Variants in ZBTB49 observed in about 807,000 individuals in gnomAD.
ZBTB49 encodes the protein zinc finger and BTB domain-containing protein 49.
In ZBTB49, 43 loss-of-function variants were observed where a neutral mutation model predicts 57.5. That is an observed-to-expected ratio of 0.75 (90% CI 0.59 to 0.97). The LOEUF is 0.97. Among genes scored for constraint, ZBTB49 ranks in the 50% least tolerant of loss-of-function variants. ZBTB49 has a pLI of 0.00. For missense variants in ZBTB49, 938 were observed against 947.7 expected (o/e 0.99, Z 0.13); for synonymous variants, 369 against 362.1 (o/e 1.02, Z -0.22).
chr4:4,312,982 T>C, intron 4 of ZBTB49, 59 bp from the exon 5 acceptor site: 1 of 1,562,420 alleles, frequency 6.4e-7, no homozygotes, highest in Non-Finnish European at 8.7e-7. Flanking sequence ...TGAATTTATA[T>C]AATTTAAAAA....
intron 4 of ZBTB49, among the ~76,000 whole-genome samples, chr4:4,311,766 T>C (rs1375438278): frequency 1.3e-5 from 2 of 152,260 alleles, no homozygotes; most frequent in African/African-American, 4.8e-5. Flanking sequence ...TATTAAAAGC[T>C]GGACATTTTC....
At chr4:4,315,295 A>C (rs1217295338) in intron 5 of ZBTB49, among the ~76,000 whole-genome samples, 2 of 152,152 alleles carry the variant, frequency 1.3e-5, no homozygotes, top group East Asian at 3.9e-4. Context: ...TTTGGCTCTG[A>C]ACTGGGGAGA....
At chr4:4,304,662 G>A (rs910417822) in intron 3 of ZBTB49, among the ~76,000 whole-genome samples, 1 of 152,108 alleles carries the variant, frequency 6.6e-6, no homozygotes, top group East Asian at 1.9e-4. Flanking sequence ...TACCGAGAAG[G>A]GCAGCAATTC....
intron 4 of ZBTB49, among the ~76,000 whole-genome samples, chr4:4,309,825 C>T (rs1720906232): frequency 6.6e-6 from 1 of 152,222 alleles, no homozygotes; most frequent in Non-Finnish European, 1.5e-5. Context: ...TTATATTTGC[C>T]ACACCTTTAC....
intron 4 of ZBTB49, among the ~76,000 whole-genome samples, chr4:4,308,827 G>T (rs890815298): frequency 6.6e-6 from 1 of 152,204 alleles, no homozygotes; most frequent in Non-Finnish European, 1.5e-5. Context: ...AACAGTGTGG[G>T]CAAAGAAAAG....
At position 4,321,200 on chromosome 4, in the gene ZBTB49, G is replaced by A. The variant is rs1287717903; in HGVS notation, c.2182G>A (p.Gly728Ser). The change falls in exon 8 of 8, where the codon GGC becomes AGC. Residue 728 changes from glycine to serine, a missense_variant. This residue lies in a region of ZBTB49 where 835 missense variants were observed against 819.1 expected (regional missense o/e 1.02). Transcript: ENST00000337872. ...GGACAACCACGGCGGTGACCCCCTG[G>A]GCAGTCGAGCATCTTCCACCACTTA... Reference protein sequence around the residue: ...ALDNHGGDPLGSRASSTTYRN... With the variant: ...ALDNHGGDPLSSRASSTTYRN... 16 of 1,614,152 alleles carry A rather than the reference G, an allele frequency of 9.9e-6. No individual in the cohort carries two copies. Among genetic ancestry groups the A allele is most frequent in the Non-Finnish European group, 1.4e-5 (16 of 1,180,028 alleles).
chr4:4,302,977 G>C lies in ZBTB49; in HGVS notation c.1141G>C (p.Ala381Pro). The change falls in exon 3 of 8, where the codon GCC (alanine) becomes CCC (proline). Residue 381 changes from alanine (A) to proline (P), a missense_variant. Physicochemically the swap from Ala to Pro is conservative, Grantham distance 27 (BLOSUM62 -1). Around this residue, in one of 3 missense-constraint regions of ZBTB49, gnomAD observed 835 missense variants for 819.1 expected, o/e 1.02. Transcript: ENST00000337872. ...SETERPEDPA[A>P]LEDQSQTLQS... The stretch of plus-strand genomic sequence containing the variant: ...GACGGAGAGGCCTGAAGACCCGGCT[G>C]CCCTGGAAGACCAGTCCCAGACACT... 1 of 1,614,206 alleles carries C rather than the reference G, an allele frequency of 6.2e-7. No individual in the cohort carries two copies. The highest frequency in any genetic ancestry group is 8.5e-7 in the Non-Finnish European group (1 of 1,180,034).
In ZBTB49 at chr4:4,302,474, A is replaced by T. The variant is rs572152212; in HGVS notation, c.638A>T (p.Tyr213Phe). Residue 213 changes from tyrosine to phenylalanine, a missense_variant, in exon 3 of 8, where the codon TAT (tyrosine) becomes TTT (phenylalanine). Around this residue, in one of 3 missense-constraint regions of ZBTB49, gnomAD observed 835 missense variants for 819.1 expected, o/e 1.02. Transcript: ENST00000337872. ...CTGCCTTTCAAACAGCCAAATTACT[A>T]TTACAAACTCAGAAACTTTTACAGT... is the stretch of plus-strand genomic sequence containing the variant. ...TELPFKQPNY[Y>F]YKLRNFYSKQ... 1 of 1,614,192 alleles carries T rather than the reference A, an allele frequency of 6.2e-7. No homozygotes were observed. Among genetic ancestry groups the T allele is most frequent in the Non-Finnish European group, 8.5e-7 (1 of 1,180,040 alleles).
intron 4 of ZBTB49, among the ~76,000 whole-genome samples, chr4:4,311,597 T>G (rs1720983678): frequency 6.6e-6 from 1 of 152,242 alleles, no homozygotes; most frequent in African/African-American, 2.4e-5. Context: ...CTGAGACAAC[T>G]CCTTTATTTA....
At chr4:4,297,773 C>CAAAA (rs554296344) in intron 1 of ZBTB49, among the ~76,000 whole-genome samples, 1 of 115,720 alleles carries the variant, frequency 8.6e-6, no homozygotes, top group Non-Finnish European at 1.8e-5. Flanking sequence ...GATCCTGTTT[C>CAAAA]AAAAAAAAAA....
intron 1 of ZBTB49, among the ~76,000 whole-genome samples, chr4:4,294,459 C>T (rs1276200826): frequency 1.3e-5 from 2 of 152,130 alleles, no homozygotes; most frequent in South Asian, 2.1e-4. Flanking sequence ...TGGGTTCAAG[C>T]GATTCTCCTG....
chr4:4,309,405 G>A (rs1031800844), intron 4 of ZBTB49, among the ~76,000 whole-genome samples: 4 of 152,328 alleles, frequency 2.6e-5, no homozygotes, highest in South Asian at 2.1e-4. Context: ...CCTCTGTGGC[G>A]TAGAACATGG....
intron 5 of ZBTB49, among the ~76,000 whole-genome samples, chr4:4,313,596 G>A (rs542958625): frequency 1.9e-4 from 29 of 152,146 alleles, no homozygotes; most frequent in Non-Finnish European, 3.8e-4. Context: ...CTTGATGGGT[G>A]GGTAGGATTT....
Position 4,302,698 on chromosome 4 carries a change from C to T in ZBTB49, c.862C>T (p.Pro288Ser), listed in dbSNP as rs1265588413. 3 of 1,612,868 alleles carry T rather than the reference C, an allele frequency of 1.9e-6. No individual in the cohort carries two copies. The highest frequency in any genetic ancestry group is 1.7e-5 in the Admixed American group (1 of 59,896). ...AQPVNDSAPH[P>S]ESDATCQQPV... is the part of the protein sequence containing the mutation. ...GCCTGTGAATGACTCTGCCCCACAC[C>T]CTGAGTCAGACGCCACATGCCAACA... is the stretch of plus-strand genomic sequence containing the variant. The change falls in exon 3 of 8, where the codon CCT (proline) becomes TCT (serine). Residue 288 changes from proline (P) to serine (S), a missense_variant. Coordinates refer to ENST00000337872, the MANE Select transcript of ZBTB49 (RefSeq NM_145291.4).
intron 1 of ZBTB49, among the ~76,000 whole-genome samples, chr4:4,294,103 C>T (rs866080064): frequency 9.9e-5 from 15 of 152,118 alleles, no homozygotes; most frequent in African/African-American, 3.6e-4. Context: ...TAGTGCCTGG[C>T]ATCTAGGAAA....
intron 2 of ZBTB49, among the ~76,000 whole-genome samples, chr4:4,300,802 T>TAA (rs1450729937): frequency 6.6e-6 from 1 of 151,942 alleles, no homozygotes; most frequent in Non-Finnish European, 1.5e-5. Flanking sequence ...AAAAAATTGT[T>TAA]AGAGTTAAGT....
intron 7 of ZBTB49, among the ~76,000 whole-genome samples, chr4:4,318,235 C>T (rs907338687): frequency 2.6e-5 from 4 of 152,194 alleles, no homozygotes; most frequent in African/African-American, 9.7e-5. Flanking sequence ...AAAAATTTTA[C>T]ATATTAAGGA....
rs75311835 is a variant in ZBTB49 at position 4,306,800 on chromosome 4, G to T, written c.1302+616G>T. On this transcript the variant is annotated intron_variant, in intron 4 of 7. Coordinates refer to ENST00000337872, the MANE Select transcript of ZBTB49 (RefSeq NM_145291.4). ...GAACCTATTCTTTCTGAAACAGAAGGTAACTATTCACCGCCATGTGCAGTG... is the reference window on the plus strand; with the variant it reads ...GAACCTATTCTTTCTGAAACAGAAGTTAACTATTCACCGCCATGTGCAGTG... 7.3e-3 allele frequency among the ~76,000 whole-genome samples: 1,119 copies of T among 152,348 alleles called. 17 individuals are homozygous for T. Among genetic ancestry groups the T allele is most frequent in the African/African-American group, 0.025 (1,035 of 41,592 alleles).
chr4:4,312,580 C>T (rs1429388516), intron 4 of ZBTB49, among the ~76,000 whole-genome samples: 6 of 152,194 alleles, frequency 3.9e-5, no homozygotes, highest in Non-Finnish European at 7.3e-5. Context: ...TTGGAAATGT[C>T]TTCCCTTCTT....
Sources: allele counts gnomAD v4.1 joint callset (sites outside exome capture counted in the v4.1 genomes callset), GRCh38; gene constraint gnomAD v4.1.1; regional missense constraint gnomAD v4.1.1; transcripts MANE v1.5; gene names NCBI Gene and HGNC (gene_info 2026-07-23, HGNC 2026-07-21).